The following BAZ2B variants were observed in gnomAD, a reference collection of about 807,000 sequenced individuals.
The protein encoded by BAZ2B is bromodomain adjacent to zinc finger domain protein 2B.
BAZ2B carries 91 observed loss-of-function variants against 246.0 expected under a neutral mutation model. That is an observed-to-expected ratio of 0.37 (90% CI 0.31 to 0.44). BAZ2B has a LOEUF of 0.44. BAZ2B is among the 20% of genes least tolerant of loss of function. BAZ2B has a pLI of 1.00. For missense variants in BAZ2B, 2,332 were observed against 2,533.7 expected, an observed-to-expected ratio of 0.92 and a Z score of 1.71; for synonymous variants, 855 against 860.0, an observed-to-expected ratio of 0.99 and a Z score of 0.10.
chr2:159,462,980 G>T lies in BAZ2B; in HGVS notation c.146-9179C>A, dbSNP rs140784170. 720 of 911,122 alleles carry T rather than the reference G, an allele frequency of 7.9e-4. 3 individuals are homozygous for T. In the African/African-American group the frequency reaches 0.011, roughly 14 times the overall value. 56.4% of individuals were successfully genotyped at this position (911,122 alleles called of 1,614,324 possible). ...AGTGATCAAATGTAAAGGAAATTTT[G>T]TTTCTTGGATCTAAAACTCTGCTAT... is the stretch of plus-strand genomic sequence containing the variant. On this transcript the variant is annotated intron_variant, in intron 3 of 36. Transcript: ENST00000392783.
At chr2:159,678,791 A>G in the BAZ2B span, among the ~76,000 whole-genome samples, 2 of 152,180 alleles carry the variant, frequency 1.3e-5, no homozygotes, top group Non-Finnish European at 2.9e-5. Context: ...CCTCTATCAC[A>G]TACACCTCCA....
At chr2:159,484,015 ACAC>A (rs1419382060) in intron 2 of BAZ2B, among the ~76,000 whole-genome samples, 1 of 152,166 alleles carries the variant, frequency 6.6e-6, no homozygotes, top group East Asian at 1.9e-4. Context: ...GTTTTCTGAC[ACAC>A]CATCTCCCCC....
At chr2:159,435,726 T>G (rs2072151856) in intron 8 of BAZ2B, among the ~76,000 whole-genome samples, 1 of 152,022 alleles carries the variant, frequency 6.6e-6, no homozygotes, top group African/African-American at 2.4e-5. Flanking sequence ...TGACCTCAGG[T>G]GATCCACCTG....
At chr2:159,371,871 G>C (rs1181110748) in intron 27 of BAZ2B, among the ~76,000 whole-genome samples, 1 of 152,140 alleles carries the variant, frequency 6.6e-6, no homozygotes, top group Non-Finnish European at 1.5e-5. Context: ...CTTTAGTGCA[G>C]AATCCTAACA....
At chr2:159,657,960 G>A in the BAZ2B span, among the ~76,000 whole-genome samples, 6 of 152,138 alleles carry the variant, frequency 3.9e-5, no homozygotes, top group African/African-American at 1.2e-4. Context: ...AGGCACTTCA[G>A]TATGACACCG....
At chr2:159,388,243 A>T (rs893977886) in intron 21 of BAZ2B, among the ~76,000 whole-genome samples, 2 of 152,162 alleles carry the variant, frequency 1.3e-5, no homozygotes, top group Non-Finnish European at 2.9e-5. Context: ...GTATAATAAT[A>T]TAGAGATGAA....
intron 1 of BAZ2B, among the ~76,000 whole-genome samples, chr2:159,608,104 G>A (rs1204342568): frequency 6.6e-6 from 1 of 152,218 alleles, no homozygotes; most frequent in East Asian, 1.9e-4. Flanking sequence ...GCCAGGCGTG[G>A]TGGCTCATGC....
chr2:159,422,308 A>G (rs1383281613), intron 13 of BAZ2B, among the ~76,000 whole-genome samples: 2 of 152,216 alleles, frequency 1.3e-5, no homozygotes, highest in Non-Finnish European at 2.9e-5. Flanking sequence ...AAAAGAACAA[A>G]GCTGGAGGCA....
chr2:159,340,773 T>G (rs73006748), intron 31 of BAZ2B, among the ~76,000 whole-genome samples: 4 of 152,072 alleles, frequency 2.6e-5, no homozygotes, highest in African/African-American at 7.2e-5. Flanking sequence ...GACTCCTATA[T>G]CTGAAAGTAA....
rs950432841 is a variant in BAZ2B, at chr2:159,433,124, G to T, written c.1533C>A (p.Thr511=). The T allele has an allele frequency of 1.9e-6, 3 of 1,614,012 alleles. No individual in the cohort carries two copies. In the African/African-American group the frequency reaches 4.0e-5, roughly 22 times the overall value. Reference sequence around the variant, plus strand: ...TAATCTTGCTCTGCATTTTAGTTTTGGTAGTAAGTGCTAGAGGAGCTTCTT... The same window carrying T: ...TAATCTTGCTCTGCATTTTAGTTTTTGTAGTAAGTGCTAGAGGAGCTTCTT... ...VIQEAPLALT[T]KTKMQSKINE... is the part of the protein sequence containing the mutation. The change falls in exon 9 of 37, where the codon ACC becomes ACA. Residue 511 remains threonine, a synonymous_variant. Transcript: ENST00000392783.
chr2:159,686,908 G>A, the BAZ2B span, among the ~76,000 whole-genome samples: 3 of 152,022 alleles, frequency 2.0e-5, no homozygotes, highest in Non-Finnish European at 2.9e-5. Flanking sequence ...TGGGCATGGT[G>A]GCGGGTGCCT....
At chr2:159,471,217 G>T (rs1048699588) in intron 3 of BAZ2B, among the ~76,000 whole-genome samples, 17 of 152,168 alleles carry the variant, frequency 1.1e-4, no homozygotes, top group Admixed American at 6.5e-4. Context: ...AAGACAAGAA[G>T]AAAGCATATG....
intron 1 of BAZ2B, among the ~76,000 whole-genome samples, chr2:159,579,129 C>G (rs1003433658): frequency 6.6e-6 from 1 of 152,086 alleles, no homozygotes. Context: ...ATCAATGAAT[C>G]CAGCAGCTGG....
the BAZ2B span, among the ~76,000 whole-genome samples, chr2:159,706,883 TA>T: frequency 6.6e-6 from 1 of 152,228 alleles, no homozygotes; most frequent in Non-Finnish European, 1.5e-5. Context: ...TTACTCTTGA[TA>T]ATGTTGATGG....
intron 3 of BAZ2B, among the ~76,000 whole-genome samples, chr2:159,471,362 G>A (rs1237579194): frequency 6.6e-6 from 1 of 152,184 alleles, no homozygotes; most frequent in Non-Finnish European, 1.5e-5. Context: ...AACACTTCGG[G>A]AGGCTGAAGC....
At chr2:159,699,553 A>G in the BAZ2B span, among the ~76,000 whole-genome samples, 1 of 152,158 alleles carries the variant, frequency 6.6e-6, no homozygotes, top group Non-Finnish European at 1.5e-5. Context: ...GACAAAAAAA[A>G]AGAGCTGGGG....
intron 1 of BAZ2B, among the ~76,000 whole-genome samples, chr2:159,557,477 C>T (rs2089322383): frequency 6.6e-6 from 1 of 152,164 alleles, no homozygotes; most frequent in South Asian, 2.1e-4. Context: ...GTCACAATCA[C>T]CCTTTTGATA....
chr2:159,408,112 T>C (rs1236511648), intron 14 of BAZ2B, among the ~76,000 whole-genome samples: 18 of 152,198 alleles, frequency 1.2e-4, no homozygotes, highest in Non-Finnish European at 1.5e-5. Flanking sequence ...AATTCTATAA[T>C]ATATATAGAA....
At chr2:159,566,482 T>G (rs1682623730) in intron 1 of BAZ2B, among the ~76,000 whole-genome samples, 1 of 152,220 alleles carries the variant, frequency 6.6e-6, no homozygotes, top group Non-Finnish European at 1.5e-5. Context: ...ACATCTCCAC[T>G]GCGCTTCCCC....
Sources: allele counts gnomAD v4.1 joint callset (sites outside exome capture counted in the v4.1 genomes callset), GRCh38; gene constraint gnomAD v4.1.1; transcripts MANE v1.5; gene names NCBI Gene and HGNC (gene_info 2026-07-23, HGNC 2026-07-21).